The following RIMS2 variants were observed in gnomAD, a reference collection of about 807,000 sequenced individuals.
RIMS2 encodes regulating synaptic membrane exocytosis 2.
A neutral mutation model predicts 174.4 loss-of-function variants in RIMS2; 59 were observed. That is an observed-to-expected ratio of 0.34 (90% CI 0.27 to 0.42). The LOEUF (loss-of-function observed/expected upper bound fraction) is 0.42, where lower values mean the gene tolerates loss of function less well. RIMS2 is among the 10% of genes least tolerant of loss of function. The pLI, the probability that RIMS2 is intolerant of heterozygous loss-of-function variation, is 1.00. For missense variants in RIMS2, 1,620 were observed against 1,666.3 expected (o/e 0.97, Z 0.48); for synonymous variants, 606 against 572.5 (o/e 1.06, Z -0.84).
At chr8:103,501,176 C>T in intron 1 of RIMS2, 114 bp downstream of exon 1, 1 of 752,666 alleles carries the variant, frequency 1.3e-6, no homozygotes, top group African/African-American at 1.9e-5. Flanking sequence ...CTGGCGGCGC[C>T]CAGGCCACGA....
At chr8:104,061,800 A>G (rs2096996929) in intron 19 of RIMS2, among the ~76,000 whole-genome samples, 1 of 151,958 alleles carries the variant, frequency 6.6e-6, no homozygotes, top group Non-Finnish European at 1.5e-5. Flanking sequence ...CCATTATGCA[A>G]TTAGATAATT....
chr8:104,242,449 T>C (rs1044816931), intron 19 of RIMS2, among the ~76,000 whole-genome samples: 1 of 152,194 alleles, frequency 6.6e-6, no homozygotes, highest in African/African-American at 2.4e-5. Context: ...CTGTTTTGCA[T>C]ATAGGGTTTC....
At chr8:104,242,298 A>G (rs1383925349) in intron 19 of RIMS2, among the ~76,000 whole-genome samples, 1 of 152,142 alleles carries the variant, frequency 6.6e-6, no homozygotes, top group Admixed American at 6.6e-5. Flanking sequence ...AGGTCTAAAT[A>G]CTTTAGCATG....
chr8:104,200,194 A>C (rs2099047581), intron 19 of RIMS2, among the ~76,000 whole-genome samples: 1 of 152,150 alleles, frequency 6.6e-6, no homozygotes, highest in Non-Finnish European at 1.5e-5. Context: ...GCAAAGAGGT[A>C]TGTTGGGTGG....
At chr8:103,997,457 G>C (rs2154551582) in intron 17 of RIMS2, among the ~76,000 whole-genome samples, 1 of 151,884 alleles carries the variant, frequency 6.6e-6, no homozygotes, top group South Asian at 2.1e-4. Context: ...AATCTGCTAA[G>C]ATTAATTGTT....
intron 3 of RIMS2, among the ~76,000 whole-genome samples, chr8:103,882,663 C>G (rs2099173532): frequency 1.3e-5 from 2 of 151,464 alleles, no homozygotes; most frequent in Admixed American, 1.3e-4. Flanking sequence ...ATTTGATAAT[C>G]TCTAGAACAA....
intron 3 of RIMS2, among the ~76,000 whole-genome samples, chr8:103,821,382 A>G (rs55807810): frequency 0.13 from 19,791 of 151,530 alleles, 1,751 homozygotes; most frequent in Non-Finnish European, 0.2. Context: ...ATCTAAAACT[A>G]TCCCAAACTA....
At chr8:103,901,559 A>T (rs1446221070) in intron 4 of RIMS2, among the ~76,000 whole-genome samples, 2 of 152,136 alleles carry the variant, frequency 1.3e-5, no homozygotes, top group African/African-American at 2.4e-5. Context: ...TATATATTTT[A>T]CTTGTCTATC....
chr8:103,904,578 A>C (rs2073970248), intron 4 of RIMS2, among the ~76,000 whole-genome samples: 1 of 152,010 alleles, frequency 6.6e-6, no homozygotes, highest in Admixed American at 6.5e-5. Flanking sequence ...TTAACTTTTT[A>C]ATATGTGGAT....
intron 1 of RIMS2, among the ~76,000 whole-genome samples, chr8:103,570,938 G>C (rs1459067864): frequency 6.6e-6 from 1 of 152,076 alleles, no homozygotes; most frequent in Non-Finnish European, 1.5e-5. Flanking sequence ...TGTTTTTACT[G>C]TTTTTCCTAT....
At position 104,087,456 on chromosome 8, in the gene RIMS2, G is replaced by A. The variant is rs182308322; in HGVS notation, c.3334+72841G>A. ...TGATAAAACTGTAATAAAGGCATGA[G>A]TAAAGTAGTTGAGGAACATTCGAAG... On this transcript the variant is annotated intron_variant, in intron 19 of 23. Coordinates refer to ENST00000504942, the Ensembl canonical transcript of RIMS2. 2.3e-3 allele frequency among the ~76,000 whole-genome samples: 357 copies of A among 152,202 alleles called. 3 individuals are homozygous for A. The highest frequency in any genetic ancestry group is 6.8e-4 in the Non-Finnish European group (46 of 67,992).
In RIMS2 at chr8:104,000,686, G is replaced by A. The variant is rs189282948; in HGVS notation, c.3044+11265G>A. ...TTATATTTCCACCAGCAGTGTACAA[G>A]CACTCCCCTTTCTCTTCATTCTCTC... On this transcript the variant is annotated intron_variant, in intron 17 of 23. Coordinates refer to ENST00000504942, the Ensembl canonical transcript of RIMS2. Among the ~76,000 whole-genome samples, 4 of 151,850 alleles carry A rather than the reference G, an allele frequency of 2.6e-5. No individual in the cohort carries two copies. In the East Asian group the frequency reaches 7.7e-4, roughly 29 times the overall value.
intron 19 of RIMS2, among the ~76,000 whole-genome samples, chr8:104,115,646 C>G (rs1364363718): frequency 6.6e-6 from 1 of 152,080 alleles, no homozygotes; most frequent in Non-Finnish European, 1.5e-5. Flanking sequence ...GGGACTCCTA[C>G]AGTTACAGTG....
chr8:103,841,056 G>A (rs2098936855), intron 3 of RIMS2, among the ~76,000 whole-genome samples: 1 of 152,128 alleles, frequency 6.6e-6, no homozygotes, highest in Non-Finnish European at 1.5e-5. Context: ...GTATTTTCAT[G>A]GATAAAGTCT....
chr8:103,859,292 A>G (rs1213689542), intron 3 of RIMS2, among the ~76,000 whole-genome samples: 1 of 152,174 alleles, frequency 6.6e-6, no homozygotes, highest in Admixed American at 6.6e-5. Context: ...GAAAGGGGTA[A>G]GAGAGCAATC....
At chr8:104,006,146 T>C (rs375334181) in intron 17 of RIMS2, among the ~76,000 whole-genome samples, 9 of 152,224 alleles carry the variant, frequency 5.9e-5, no homozygotes, top group African/African-American at 2.2e-4. Flanking sequence ...TAGCCTATCT[T>C]AGTTTCTCTA....
intron 14 of RIMS2, among the ~76,000 whole-genome samples, 174 bp downstream of exon 16, chr8:103,943,100 A>C (rs991626058): frequency 6.6e-6 from 1 of 152,218 alleles, no homozygotes; most frequent in African/African-American, 2.4e-5. Context: ...TGTTTGAAAC[A>C]CTAAAATAAG....
At chr8:103,533,636 T>G (rs1206393002) in intron 1 of RIMS2, among the ~76,000 whole-genome samples, 23 of 115,008 alleles carry the variant, frequency 2.0e-4, no homozygotes, top group African/African-American at 6.7e-4. Flanking sequence ...CACTCCAGCC[T>G]GGGGGACAAA....
chr8:103,623,019 A>G (rs1423275408), intron 1 of RIMS2, among the ~76,000 whole-genome samples: 1 of 152,268 alleles, frequency 6.6e-6, no homozygotes, highest in Non-Finnish European at 1.5e-5. Context: ...AAGAGTAAAG[A>G]AAGACACTAA....
Sources: gnomAD v4.1 joint callset for allele counts (sites outside exome capture counted in the v4.1 genomes callset) on GRCh38, gnomAD v4.1.1 for gene constraint, MANE v1.5 for transcripts, NCBI Gene and HGNC (gene_info 2026-07-23, HGNC 2026-07-21) for gene names.